ZMAT4: variants seen among roughly 807,000 people sequenced by gnomAD.
The protein encoded by ZMAT4 is zinc finger matrin-type 4.
ZMAT4 carries 17 observed loss-of-function variants against 28.7 expected under a neutral mutation model. The observed-to-expected ratio is 0.59, with a 90% CI of 0.41 to 0.89. The LOEUF (loss-of-function observed/expected upper bound fraction) is 0.89. ZMAT4 is among the 40% of genes least tolerant of loss of function. The pLI, the probability that ZMAT4 is intolerant of heterozygous loss-of-function variation, is 0.00. For synonymous variants in ZMAT4, 117 were observed against 109.2 expected (o/e 1.07, Z -0.44); for missense variants, 240 against 283.8 (o/e 0.85, Z 1.11).
intron 6 of ZMAT4, among the ~76,000 whole-genome samples, chr8:40,554,362 G>A (rs1421154291): frequency 6.6e-6 from 1 of 150,510 alleles, no homozygotes. Context: ...AATTAACTAA[G>A]TTAATTAGTT....
chr8:40,734,865 A>G (rs56837976), intron 3 of ZMAT4, among the ~76,000 whole-genome samples: 35,434 of 152,182 alleles, frequency 0.23, 4,693 homozygotes, highest in East Asian at 0.56. Context: ...AGACATTAAT[A>G]CAGAAATTAA....
intron 1 of ZMAT4, among the ~76,000 whole-genome samples, chr8:40,836,831 C>T (rs1563517386): frequency 6.6e-6 from 1 of 152,096 alleles, no homozygotes. Flanking sequence ...CTCAGCTTTG[C>T]TTTAGAAGAT....
intron 4 of ZMAT4, among the ~76,000 whole-genome samples, chr8:40,686,967 G>A (rs1355436722): frequency 3.9e-5 from 6 of 152,114 alleles, no homozygotes; most frequent in Admixed American, 3.9e-4. Flanking sequence ...TGAAGAACAT[G>A]AGGCGGGAAA....
Position 40,799,308 on chromosome 8 carries a change from T to G in ZMAT4, c.102+26267A>C, listed in dbSNP as rs1272937650. 3.3e-5 allele frequency among the ~76,000 whole-genome samples: 5 copies of G among 152,336 alleles called. No individual in the cohort carries two copies. In the South Asian group the frequency reaches 1.0e-3, roughly 32 times the overall value. Reference sequence around the variant, plus strand: ...AGAGAGACAGATAGATATCCAAAACTATATTTAGATATCAATGATGTTTAG... The same window carrying G: ...AGAGAGACAGATAGATATCCAAAACGATATTTAGATATCAATGATGTTTAG... On this transcript the variant is annotated intron_variant, in intron 2 of 6. Transcript: ENST00000297737.
chr8:40,540,753 A>G (rs1185251385), intron 6 of ZMAT4, among the ~76,000 whole-genome samples: 2 of 152,180 alleles, frequency 1.3e-5, no homozygotes, highest in Non-Finnish European at 2.9e-5. Context: ...TGAAGTCTGC[A>G]CTAACTCTAG....
chr8:40,653,824 TCTA>T (rs1178655378), intron 5 of ZMAT4, among the ~76,000 whole-genome samples: 6 of 152,158 alleles, frequency 3.9e-5, no homozygotes, highest in Non-Finnish European at 7.4e-5. Flanking sequence ...ATTGGTGAAT[TCTA>T]CTATTTTAAG....
intron 6 of ZMAT4, among the ~76,000 whole-genome samples, chr8:40,539,191 GTCTC>G (rs1452903583): frequency 6.6e-6 from 1 of 152,158 alleles, no homozygotes; most frequent in African/African-American, 2.4e-5. Flanking sequence ...TGGGGACTGT[GTCTC>G]TCTATTTGTG....
intron 3 of ZMAT4, among the ~76,000 whole-genome samples, chr8:40,717,092 G>A (rs781518110): frequency 6.6e-5 from 10 of 152,192 alleles, no homozygotes; most frequent in Admixed American, 1.3e-4. Context: ...CTATAATCCT[G>A]TAATTTTATC....
intron 5 of ZMAT4, among the ~76,000 whole-genome samples, chr8:40,661,793 C>A (rs1808208159): frequency 6.6e-6 from 1 of 152,142 alleles, no homozygotes; most frequent in Admixed American, 6.5e-5. Context: ...CTATGCTGAG[C>A]TCCTGCAAAA....
chr8:40,843,615 G>C (rs1255409625), intron 1 of ZMAT4, among the ~76,000 whole-genome samples: 1 of 152,186 alleles, frequency 6.6e-6, no homozygotes, highest in Non-Finnish European at 1.5e-5. Flanking sequence ...CAGGTTCTTA[G>C]CACTTTTCCA....
chr8:40,608,956 A>C (rs1433282472), intron 5 of ZMAT4, among the ~76,000 whole-genome samples: 1 of 152,068 alleles, frequency 6.6e-6, no homozygotes, highest in Non-Finnish European at 1.5e-5. Flanking sequence ...GTTACCTTCA[A>C]AGGGTCTGTG....
chr8:40,609,663 A>ATT (rs5891108), intron 5 of ZMAT4, among the ~76,000 whole-genome samples: 3 of 150,664 alleles, frequency 2.0e-5, no homozygotes, highest in African/African-American at 4.9e-5. Flanking sequence ...GTAAGGTAAG[A>ATT]TTTTTTTTTT....
chr8:40,632,972 G>T (rs540278897), intron 5 of ZMAT4, among the ~76,000 whole-genome samples: 14 of 152,160 alleles, frequency 9.2e-5, no homozygotes, highest in Non-Finnish European at 1.5e-4. Flanking sequence ...CAATGTCCCA[G>T]ATACAGCAAG....
chr8:40,707,288 T>A (rs1399082403), intron 3 of ZMAT4, among the ~76,000 whole-genome samples: 1 of 144,606 alleles, frequency 6.9e-6, no homozygotes, highest in Non-Finnish European at 1.5e-5. Context: ...ACTCAATTAT[T>A]TGGGCTGAAA....
At chr8:40,568,988 C>T (rs1804009785) in intron 6 of ZMAT4, among the ~76,000 whole-genome samples, 1 of 152,170 alleles carries the variant, frequency 6.6e-6, no homozygotes, top group South Asian at 2.1e-4. Context: ...AAGGTACAAT[C>T]ATCTCTATAA....
chr8:40,559,439 C>T (rs1335837611), intron 6 of ZMAT4, among the ~76,000 whole-genome samples: 1 of 151,994 alleles, frequency 6.6e-6, no homozygotes. Flanking sequence ...CCTAACATAA[C>T]CTAACCCCTT....
At chr8:40,579,744 AT>A (rs1804390383) in intron 6 of ZMAT4, among the ~76,000 whole-genome samples, 1 of 152,196 alleles carries the variant, frequency 6.6e-6, no homozygotes, top group African/African-American at 2.4e-5. Flanking sequence ...TCACATATTC[AT>A]TTAATCAAAA....
chr8:40,648,551 T>C (rs1020366728), intron 5 of ZMAT4, among the ~76,000 whole-genome samples: 2 of 140,110 alleles, frequency 1.4e-5, no homozygotes, highest in Non-Finnish European at 3.1e-5. Context: ...AGGCCAACGT[T>C]CAGATTCAGG....
chr8:40,691,593 C>T (rs1029377339), intron 4 of ZMAT4, among the ~76,000 whole-genome samples: 1 of 152,150 alleles, frequency 6.6e-6, no homozygotes. Context: ...ACAAATAAAT[C>T]ACAGTGGATT....
Sources: gnomAD v4.1 joint callset for allele counts (sites outside exome capture counted in the v4.1 genomes callset) on GRCh38, gnomAD v4.1.1 for gene constraint, MANE v1.5 for transcripts, NCBI Gene and HGNC (gene_info 2026-07-23, HGNC 2026-07-21) for gene names.